The following DPP10 variants were observed in gnomAD, a reference collection of about 807,000 sequenced individuals.
DPP10 encodes inactive dipeptidyl peptidase 10.
Under a neutral mutation model 120.9 loss-of-function variants are expected in DPP10, and 33 were observed. The observed-to-expected ratio is 0.27, with a 90% CI of 0.21 to 0.37. The LOEUF (loss-of-function observed/expected upper bound fraction) is 0.37, where lower values mean the gene tolerates loss of function less well. Ranked by LOEUF, DPP10 falls within the 10% of genes least tolerant of loss-of-function variation. The pLI, the probability that DPP10 is intolerant of heterozygous loss-of-function variation, is 1.00. For missense variants in DPP10, 816 were observed against 942.8 expected, an observed-to-expected ratio of 0.87 and a Z score of 1.76; for synonymous variants, 337 against 326.1, an observed-to-expected ratio of 1.03 and a Z score of -0.36.
chr2:115,343,779 TA>T, intron 2 of DPP10, 37 bp from the exon 3 acceptor site: 1 of 1,465,342 alleles, frequency 6.8e-7, no homozygotes, highest in South Asian at 1.2e-5. Context: ...AAAACAAGCA[TA>T]AGATAGGCAT....
At position 115,843,198 on chromosome 2, in the gene DPP10, T is replaced by C. The variant is rs974112685; in HGVS notation, c.*853T>C. The C allele has an allele frequency of 3.3e-5, 5 of 152,606 alleles. No individual in the cohort carries two copies. The highest frequency in any genetic ancestry group is 2.6e-4 in the Admixed American group (4 of 15,260). 9.5% of individuals were successfully genotyped at this position (152,606 alleles called of 1,614,324 possible). On this transcript the variant is annotated 3_prime_UTR_variant, in exon 26 of 26. Coordinates refer to ENST00000410059, the MANE Select transcript of DPP10 (RefSeq NM_020868.6). The stretch of plus-strand genomic sequence containing the variant: ...CTTTCCTATAAATGTTTGGGTTGTG[T>C]TTGGTATTGTTTTTAGTGGTTAATA...
At chr2:114,915,301 A>G (rs62167683) in intron 1 of DPP10, among the ~76,000 whole-genome samples, 31,266 of 152,208 alleles carry the variant, frequency 0.21, 3,513 homozygotes, top group Middle Eastern at 0.32. Context: ...TAATTTGACA[A>G]GAAGTTTTAA....
rs1196620976 is a variant in DPP10 at position 115,146,068 on chromosome 2, GA to G, written c.61-163164del. 2.6e-5 allele frequency among the ~76,000 whole-genome samples: 4 copies of G among 151,928 alleles called. No homozygotes were observed. In the East Asian group the frequency reaches 5.8e-4, roughly 22 times the overall value. ...ATACACCATTATTATGCATTTTCAG[GA>G]AAAAAATCCTGAAGTTGAGAAGAGT... On this transcript the variant is annotated intron_variant, in intron 1 of 25. Transcript: ENST00000410059.
chr2:114,951,279 TTTTATA>T (rs1697764704), intron 1 of DPP10, among the ~76,000 whole-genome samples: 1 of 152,170 alleles, frequency 6.6e-6, no homozygotes, highest in African/African-American at 2.4e-5. Context: ...TGGGTCAGTA[TTTTATA>T]TTTATAATTT....
intron 10 of DPP10, among the ~76,000 whole-genome samples, chr2:115,752,315 A>G (rs1678843861): frequency 6.6e-6 from 1 of 152,108 alleles, no homozygotes; most frequent in Non-Finnish European, 1.5e-5. Context: ...AGTATTGATG[A>G]TTGCATTTTG....
chr2:115,280,561 G>A (rs972697517), intron 1 of DPP10, among the ~76,000 whole-genome samples: 5 of 152,226 alleles, frequency 3.3e-5, no homozygotes, highest in African/African-American at 9.6e-5. Flanking sequence ...ATAGTTTGCA[G>A]TGGGAAAATA....
chr2:115,323,984 A>G (rs1240229079), intron 2 of DPP10, among the ~76,000 whole-genome samples: 1 of 152,200 alleles, frequency 6.6e-6, no homozygotes, highest in Non-Finnish European at 1.5e-5. Context: ...CAGCTGCATT[A>G]GCCCCTAATA....
chr2:114,868,375 A>G (rs1690407131), intron 1 of DPP10, among the ~76,000 whole-genome samples: 1 of 152,196 alleles, frequency 6.6e-6, no homozygotes, highest in Non-Finnish European at 1.5e-5. Context: ...GTTTTTGTTA[A>G]AAGGACTATT....
chr2:115,735,556 T>C (rs1157158233), intron 8 of DPP10, among the ~76,000 whole-genome samples: 4 of 151,922 alleles, frequency 2.6e-5, no homozygotes, highest in Non-Finnish European at 5.9e-5. Context: ...AGTCTTGCTC[T>C]GTTGCCCAAG....
chr2:115,501,262 G>T (rs1200387968), intron 4 of DPP10, among the ~76,000 whole-genome samples: 1 of 151,718 alleles, frequency 6.6e-6, no homozygotes, highest in East Asian at 1.9e-4. Context: ...ATTATGTTTT[G>T]GTTTTCCATT....
intron 1 of DPP10, among the ~76,000 whole-genome samples, chr2:114,712,093 G>A (rs1190568175): frequency 2.0e-5 from 3 of 152,160 alleles, no homozygotes; most frequent in African/African-American, 7.2e-5. Flanking sequence ...GCCAAGGTGG[G>A]CGGATCACCT....
chr2:114,722,360 A>G (rs1701750810), intron 1 of DPP10, among the ~76,000 whole-genome samples: 1 of 152,236 alleles, frequency 6.6e-6, no homozygotes, highest in Non-Finnish European at 1.5e-5. Context: ...CAGGTAGAGA[A>G]GATCTGAAGA....
chr2:115,653,603 C>A (rs921810482), intron 5 of DPP10, among the ~76,000 whole-genome samples: 2 of 151,972 alleles, frequency 1.3e-5, no homozygotes, highest in African/African-American at 4.8e-5. Context: ...CAATCAACTT[C>A]TCATAATTTT....
intron 1 of DPP10, among the ~76,000 whole-genome samples, chr2:114,664,613 C>T (rs528873772): frequency 7.8e-6 from 1 of 128,798 alleles, no homozygotes; most frequent in Admixed American, 1.0e-4. Context: ...TGGGTGACAG[C>T]GAGACTCCGT....
At chr2:114,831,920 T>G (rs1482550823) in intron 1 of DPP10, among the ~76,000 whole-genome samples, 1 of 149,544 alleles carries the variant, frequency 6.7e-6, no homozygotes, top group Non-Finnish European at 1.5e-5. Flanking sequence ...AGGTTGATGC[T>G]CTCTGTCCAA....
chr2:115,750,010 C>T (rs1018577456), intron 10 of DPP10: 44 of 985,190 alleles, frequency 4.5e-5, no homozygotes, highest in African/African-American at 8.7e-5. Flanking sequence ...ACCAGATCCT[C>T]GAGGACTTCC....
At chr2:114,527,326 A>C (rs1179111263) in intron 1 of DPP10, among the ~76,000 whole-genome samples, 1 of 152,174 alleles carries the variant, frequency 6.6e-6, no homozygotes, top group Non-Finnish European at 1.5e-5. Flanking sequence ...TATGGATCAG[A>C]GCAAGTGAGC....
intron 1 of DPP10, among the ~76,000 whole-genome samples, chr2:114,970,567 A>C (rs1389280767): frequency 1.3e-5 from 2 of 152,314 alleles, no homozygotes; most frequent in East Asian, 3.9e-4. Flanking sequence ...GTCTCTGGAC[A>C]AGGGATCAAG....
intron 3 of DPP10, among the ~76,000 whole-genome samples, chr2:115,380,957 C>G (rs899147623): frequency 7.2e-5 from 11 of 152,086 alleles, no homozygotes; most frequent in African/African-American, 2.4e-4. Flanking sequence ...TGAGGGTAAC[C>G]TGACCTTTCT....
Sources: gnomAD v4.1 joint callset for allele counts (sites outside exome capture counted in the v4.1 genomes callset) on GRCh38, gnomAD v4.1.1 for gene constraint, MANE v1.5 for transcripts, NCBI Gene and HGNC (gene_info 2026-07-23, HGNC 2026-07-21) for gene names.